LAMA2: variants seen among roughly 807,000 people sequenced by gnomAD.
LAMA2 encodes laminin subunit alpha 2.
In LAMA2, 269 loss-of-function variants were observed where a neutral mutation model predicts 364.8. The ratio of observed to expected loss-of-function variants is 0.74; its 90% CI spans 0.67 to 0.82. The LOEUF (loss-of-function observed/expected upper bound fraction) is 0.82. Among genes scored for constraint, LAMA2 ranks in the 40% least tolerant of loss-of-function variants. The probability of loss-of-function intolerance (pLI) is 0.00; values close to 1 mark genes in which losing one functional copy is unlikely to be tolerated. For missense variants in LAMA2, 3,807 were observed against 3,873.2 expected (o/e 0.98, Z 0.45); for synonymous variants, 1,379 against 1,370.6 (o/e 1.01, Z -0.14).
chr6:129,189,900 A>AATTG, intron 10 of LAMA2, among the ~76,000 whole-genome samples: 1 of 152,280 alleles, frequency 6.6e-6, no homozygotes, highest in South Asian at 2.1e-4. Context: ...AGTCAATCTA[A>AATTG]TGCATTCCTG....
At chr6:129,358,623 C>T (rs1447582389) in intron 32 of LAMA2, among the ~76,000 whole-genome samples, 1 of 151,984 alleles carries the variant, frequency 6.6e-6, no homozygotes, top group Non-Finnish European at 1.5e-5. Flanking sequence ...GGTTTGAAAC[C>T]TAGCTTGCAA....
At chr6:129,296,951 C>T (rs998096424) in intron 20 of LAMA2, among the ~76,000 whole-genome samples, 9 of 151,928 alleles carry the variant, frequency 5.9e-5, no homozygotes, top group South Asian at 4.2e-4. Context: ...CAAACTTGAC[C>T]GTAAAAGATG....
chr6:129,278,231 A>C (rs1788463084), intron 17 of LAMA2, among the ~76,000 whole-genome samples: 2 of 152,186 alleles, frequency 1.3e-5, no homozygotes. Flanking sequence ...ATTTTTAAAA[A>C]TGTCAGAAGC....
At chr6:129,090,391 T>A (rs978062147) in intron 3 of LAMA2, among the ~76,000 whole-genome samples, 4 of 152,222 alleles carry the variant, frequency 2.6e-5, no homozygotes, top group Non-Finnish European at 4.4e-5. Context: ...CATCTAAAAA[T>A]TAATACTATT....
At chr6:129,477,674 AAAAAT>A (rs1175061082) in intron 53 of LAMA2, among the ~76,000 whole-genome samples, 22 of 151,488 alleles carry the variant, frequency 1.5e-4, no homozygotes, top group Non-Finnish European at 7.4e-5. Context: ...ATTTTATTGA[AAAAAT>A]AAAATGTATG....
At chr6:129,501,724 T>C (rs1001443839) in intron 58 of LAMA2, among the ~76,000 whole-genome samples, 2 of 152,184 alleles carry the variant, frequency 1.3e-5, no homozygotes, top group East Asian at 1.9e-4. Flanking sequence ...TATTTTCTCA[T>C]GTACTGCATG....
At position 129,442,996 on chromosome 6, in the gene LAMA2, A is replaced by G. The variant is rs1238144204; in HGVS notation, c.6269-67A>G. The G allele has an allele frequency of 5.7e-6, 7 of 1,224,152 alleles. No homozygotes were observed. The African/African-American group carries it at 9.2e-5, about 16-fold the overall frequency. The allele number at this position is 1,224,152 out of a possible 1,614,324, so 75.8% of individuals were successfully genotyped here. A position where few individuals can be genotyped will look rare whatever the true frequency, so the allele number is the denominator to read the frequency against. The stretch of plus-strand genomic sequence containing the variant: ...TTTTAGTCACTACTTTATAATATTT[A>G]TAGAAAATACTTCCTCATGAATTTA... On this transcript the variant is annotated intron_variant, in intron 43 of 64. Transcript: ENST00000421865.
At chr6:129,387,224 T>G (rs901830149) in intron 35 of LAMA2, among the ~76,000 whole-genome samples, 3 of 152,172 alleles carry the variant, frequency 2.0e-5, no homozygotes, top group Non-Finnish European at 4.4e-5. Context: ...GTTGCATAGG[T>G]ATACCTGTGC....
intron 40 of LAMA2, among the ~76,000 whole-genome samples, chr6:129,421,099 G>A (rs1038649019): frequency 2.6e-5 from 4 of 152,190 alleles, no homozygotes; most frequent in African/African-American, 9.6e-5. Context: ...TATCTAATAA[G>A]TAGTAGGAAG....
chr6:129,274,612 A>G (rs959233350), intron 17 of LAMA2, among the ~76,000 whole-genome samples: 7 of 152,140 alleles, frequency 4.6e-5, no homozygotes, highest in Admixed American at 3.9e-4. Flanking sequence ...ATAGATTGGT[A>G]TAATTATTAT....
At position 129,270,883 on chromosome 6, in the gene LAMA2, A is replaced by G; in HGVS notation, c.2450+132A>G. The G allele has an allele frequency of 4.0e-6, 4 of 993,038 alleles. No individual in the cohort carries two copies. The South Asian group carries it at 5.8e-5, about 14-fold the overall frequency. 61.5% of individuals were successfully genotyped at this position (993,038 alleles called of 1,614,324 possible). ...CACAGACATGAATTTTTTCAGGAAA[A>G]TTATATGAATTTTTTCAAACCTAAG... is the stretch of plus-strand genomic sequence containing the variant. On this transcript the variant is annotated intron_variant, in intron 17 of 64. Transcript: ENST00000421865.
chr6:129,176,098 A>T (rs990303812), intron 9 of LAMA2, among the ~76,000 whole-genome samples: 10 of 151,936 alleles, frequency 6.6e-5, no homozygotes, highest in Non-Finnish European at 1.2e-4. Context: ...TTCCATACTC[A>T]ACAAAAATTA....
chr6:129,276,330 G>A (rs1788326601), intron 17 of LAMA2, among the ~76,000 whole-genome samples: 1 of 152,048 alleles, frequency 6.6e-6, no homozygotes. Flanking sequence ...CCTAATGATG[G>A]AAGTTTTAAT....
intron 1 of LAMA2, among the ~76,000 whole-genome samples, chr6:128,940,384 T>A (rs957341451): frequency 3.3e-5 from 5 of 152,206 alleles, no homozygotes; most frequent in African/African-American, 1.2e-4. Flanking sequence ...TTCATGTCCC[T>A]TCCTTCTTTA....
At chr6:129,313,910 A>G (rs916961734) in intron 23 of LAMA2, among the ~76,000 whole-genome samples, 11 of 152,228 alleles carry the variant, frequency 7.2e-5, no homozygotes, top group Admixed American at 1.3e-4. Flanking sequence ...TTATGATCAT[A>G]TATTTAATAC....
At chr6:129,422,304 C>T (rs1781115488) in intron 40 of LAMA2, among the ~76,000 whole-genome samples, 1 of 152,030 alleles carries the variant, frequency 6.6e-6, no homozygotes, top group African/African-American at 2.4e-5. Flanking sequence ...AAAAAATTGC[C>T]TGGAAGCAAA....
At chr6:129,166,553 G>A (rs1290211904) in intron 9 of LAMA2, among the ~76,000 whole-genome samples, 7 of 152,068 alleles carry the variant, frequency 4.6e-5, no homozygotes, top group Non-Finnish European at 7.4e-5. Flanking sequence ...AAACGGATAC[G>A]TTTTGATAGT....
intron 24 of LAMA2, 97 bp downstream of exon 24, chr6:129,314,895 A>G: frequency 8.0e-7 from 1 of 1,257,036 alleles, no homozygotes; most frequent in Non-Finnish European, 1.2e-6. Context: ...ATGGCAAAAC[A>G]TTTAAGTAAC....
At chr6:129,127,263 T>A (rs1478987739) in intron 4 of LAMA2, among the ~76,000 whole-genome samples, 1 of 152,230 alleles carries the variant, frequency 6.6e-6, no homozygotes, top group Non-Finnish European at 1.5e-5. Context: ...GCCCTCAGCC[T>A]CTGTAACTTC....
Sources: allele counts gnomAD v4.1 joint callset (sites outside exome capture counted in the v4.1 genomes callset), GRCh38; gene constraint gnomAD v4.1.1; transcripts MANE v1.5; gene names NCBI Gene and HGNC (gene_info 2026-07-23, HGNC 2026-07-21).